The following PDE7B variants were observed in gnomAD, a reference collection of about 807,000 sequenced individuals.
The protein encoded by PDE7B is 3',5'-cyclic-AMP phosphodiesterase 7B.
PDE7B carries 29 observed loss-of-function variants against 56.2 expected under a neutral mutation model. The observed-to-expected ratio is 0.52, with a 90% CI of 0.38 to 0.70. PDE7B has a LOEUF of 0.70. PDE7B is among the 30% of genes least tolerant of loss of function. The probability of loss-of-function intolerance (pLI) is 0.00; values close to 1 mark genes in which losing one functional copy is unlikely to be tolerated. For synonymous variants in PDE7B, 197 were observed against 196.9 expected, an observed-to-expected ratio of 1.00 and a Z score of 0.00; for missense variants, 490 against 565.0, an observed-to-expected ratio of 0.87 and a Z score of 1.35.
intron 2 of PDE7B, among the ~76,000 whole-genome samples, chr6:135,998,615 G>A (rs1775608855): frequency 6.6e-6 from 1 of 152,112 alleles, no homozygotes; most frequent in Admixed American, 6.5e-5. Flanking sequence ...AATTAGCCAG[G>A]CGTGGTGGTG....
At chr6:135,923,835 A>C (rs1334092741) in intron 1 of PDE7B, among the ~76,000 whole-genome samples, 1 of 152,220 alleles carries the variant, frequency 6.6e-6, no homozygotes, top group Non-Finnish European at 1.5e-5. Context: ...TTATAATCAA[A>C]GAAACTGTAT....
Position 135,916,697 on chromosome 6 carries a change from G to GC in PDE7B, c.22-30764dup, listed in dbSNP as rs1247618259. On this transcript the variant is annotated intron_variant, in intron 1 of 12. Coordinates refer to ENST00000308191, the MANE Select transcript of PDE7B (RefSeq NM_018945.4). ...TTAGCCACCGCACCCAGCCTGTTTT[G>GC]CCCTTTTTTATTGGGTTATCTGTTT... Among the ~76,000 whole-genome samples, 3 of 151,852 alleles carry GC rather than the reference G, an allele frequency of 2.0e-5. No homozygotes were observed. The East Asian group carries it at 5.8e-4, about 29-fold the overall frequency.
intron 3 of PDE7B, among the ~76,000 whole-genome samples, chr6:136,123,277 G>T (rs1777969082): frequency 6.6e-6 from 1 of 152,146 alleles, no homozygotes; most frequent in Admixed American, 6.5e-5. Context: ...GAGCATTTGA[G>T]CCCAGGAGTT....
chr6:135,981,302 G>A (rs1289781929), intron 2 of PDE7B, among the ~76,000 whole-genome samples: 41 of 103,542 alleles, frequency 4.0e-4, no homozygotes, highest in Non-Finnish European at 6.7e-4. Context: ...GGGGAGGGGG[G>A]AGGGATAGCA....
At position 135,925,051 on chromosome 6, in the gene PDE7B, T is replaced by A. The variant is rs1318877537; in HGVS notation, c.22-22413T>A. Among the ~76,000 whole-genome samples the A allele has an allele frequency of 2.0e-5, 3 of 150,892 alleles. No homozygotes were observed. In the East Asian group the frequency reaches 5.8e-4, roughly 29 times the overall value. ...ATCTTGTTTCATATGAATAAGTAGC[T>A]GAAAATGATGAACATTTTTAATAGT... On this transcript the variant is annotated intron_variant, in intron 1 of 12. Coordinates refer to ENST00000308191, the MANE Select transcript of PDE7B (RefSeq NM_018945.4).
At chr6:136,139,172 A>G (rs1433646233) in intron 3 of PDE7B, among the ~76,000 whole-genome samples, 4 of 151,998 alleles carry the variant, frequency 2.6e-5, no homozygotes, top group Non-Finnish European at 5.9e-5. Context: ...TCCTGTGTCC[A>G]TGTGTTCTCA....
At chr6:136,162,194 T>C (rs1273675945) in intron 8 of PDE7B, 1 of 152,194 alleles carries the variant, frequency 6.6e-6, no homozygotes, top group Non-Finnish European at 1.5e-5. Flanking sequence ...TCAACGCTGC[T>C]ATAAGGACAC....
chr6:136,033,137 C>T (rs1047460960), intron 2 of PDE7B, among the ~76,000 whole-genome samples: 3 of 152,136 alleles, frequency 2.0e-5, no homozygotes, highest in Non-Finnish European at 2.9e-5. Context: ...GGGCACACAC[C>T]GAAGTATCAG....
At chr6:136,070,891 A>C (rs1033020357) in intron 2 of PDE7B, among the ~76,000 whole-genome samples, 3 of 152,180 alleles carry the variant, frequency 2.0e-5, no homozygotes, top group Non-Finnish European at 2.9e-5. Flanking sequence ...GTCCAAATGA[A>C]CAATTGAAAT....
At chr6:136,147,071 G>A (rs1778425513) in intron 3 of PDE7B, among the ~76,000 whole-genome samples, 1 of 152,040 alleles carries the variant, frequency 6.6e-6, no homozygotes, top group African/African-American at 2.4e-5. Context: ...GAGCCCAGGA[G>A]GCAGAGGTTG....
intron 2 of PDE7B, among the ~76,000 whole-genome samples, chr6:135,980,086 A>T (rs1420326334): frequency 1.3e-5 from 2 of 152,160 alleles, no homozygotes; most frequent in East Asian, 1.9e-4. Context: ...CTGGTACCAA[A>T]ACAGAGATAT....
intron 3 of PDE7B, among the ~76,000 whole-genome samples, chr6:136,138,050 G>A (rs1778246385): frequency 6.6e-6 from 1 of 152,070 alleles, no homozygotes. Context: ...AAACAAAGGT[G>A]CATTAGGATA....
chr6:136,081,279 G>A (rs1007716079), intron 2 of PDE7B, among the ~76,000 whole-genome samples: 3 of 152,120 alleles, frequency 2.0e-5, no homozygotes, highest in Non-Finnish European at 4.4e-5. Context: ...ACAGTGCCTC[G>A]GGGAGAAACT....
intron 2 of PDE7B, among the ~76,000 whole-genome samples, chr6:136,041,049 G>T (rs564408322): frequency 1.3e-5 from 2 of 152,144 alleles, no homozygotes; most frequent in Non-Finnish European, 1.5e-5. Flanking sequence ...AACATTCTGT[G>T]TATATTTTGA....
chr6:136,108,780 C>A lies in PDE7B; in HGVS notation c.132C>A (p.Gly44=). The change falls in exon 3 of 13, where the codon GGC becomes GGA. Residue 44 remains glycine, a synonymous_variant. Coordinates refer to ENST00000308191, the MANE Select transcript of PDE7B (RefSeq NM_018945.4). ...GQTGVRAERR[G]SYPFIDFRLL... ...CGGGGGTTCGTGCTGAACGCCGTGG[C>A]TCCTACCCATTCATTGACTTCCGCC... 6.2e-7 allele frequency: 1 copy of A among 1,610,524 alleles called. No homozygotes were observed. The highest frequency in any genetic ancestry group is 8.5e-7 in the Non-Finnish European group (1 of 1,176,792).
intron 2 of PDE7B, among the ~76,000 whole-genome samples, chr6:136,063,458 T>C (rs1438207878): frequency 6.6e-6 from 1 of 152,246 alleles, no homozygotes; most frequent in African/African-American, 2.4e-5. Context: ...TTCCACCACC[T>C]TGGTAAGTCA....
rs76331193 is a variant in PDE7B, at chr6:136,167,088, A to G, written c.712-6709A>G. Among the ~76,000 whole-genome samples the G allele has an allele frequency of 9.6e-3, 1,457 of 151,938 alleles. 12 individuals are homozygous for G. The highest frequency in any genetic ancestry group is 0.025 in the South Asian group (121 of 4,806). ...TGCTCTTCCCCAGGCAGGAATGACT[A>G]ACTCCCTCCTGCCTTCAAGCTTTTG... On this transcript the variant is annotated intron_variant, in intron 8 of 12. Coordinates refer to ENST00000308191, the MANE Select transcript of PDE7B (RefSeq NM_018945.4).
chr6:136,188,062 G>C (rs756826521), intron 12 of PDE7B, among the ~76,000 whole-genome samples: 2 of 152,118 alleles, frequency 1.3e-5, no homozygotes, highest in Non-Finnish European at 2.9e-5. Flanking sequence ...GGTAGGGAAG[G>C]GGGTATCTGA....
chr6:136,040,285 T>A (rs757291835), intron 2 of PDE7B, among the ~76,000 whole-genome samples: 2 of 152,182 alleles, frequency 1.3e-5, no homozygotes, highest in Non-Finnish European at 2.9e-5. Context: ...TGTGTTTGCC[T>A]CCTGTTCTTC....
Sources: allele counts gnomAD v4.1 joint callset (sites outside exome capture counted in the v4.1 genomes callset), GRCh38; gene constraint gnomAD v4.1.1; transcripts MANE v1.5; gene names NCBI Gene and HGNC (gene_info 2026-07-23, HGNC 2026-07-21).